The following PCDH15 variants were observed in gnomAD, a reference collection of about 807,000 sequenced individuals.
PCDH15 encodes the protein protocadherin related 15.
A neutral mutation model predicts 178.5 loss-of-function variants in PCDH15; 129 were observed. That is an observed-to-expected ratio of 0.72 (90% CI 0.63 to 0.84). The LOEUF is 0.84. Among genes scored for constraint, PCDH15 ranks in the 40% least tolerant of loss-of-function variants. The probability of loss-of-function intolerance (pLI) is 0.00; values close to 1 mark genes in which losing one functional copy is unlikely to be tolerated. For missense variants in PCDH15, 2,230 were observed against 2,099.9 expected, an observed-to-expected ratio of 1.06 and a Z score of -1.21; for synonymous variants, 800 against 732.0, an observed-to-expected ratio of 1.09 and a Z score of -1.50.
chr10:55,446,210 C>G (rs934447471), intron 2 of PCDH15, among the ~76,000 whole-genome samples: 1 of 151,554 alleles, frequency 6.6e-6, no homozygotes, highest in Non-Finnish European at 1.5e-5. Context: ...AACACACACA[C>G]AGAAACACAC....
Position 54,090,063 on chromosome 10 carries a change from C to T in PCDH15, c.1918G>A (p.Ala640Thr), listed in dbSNP as rs1386742489. The change falls in exon 16 of 38, where the codon GCA (alanine) becomes ACA (threonine). Residue 640 changes from alanine to threonine, a missense_variant and splice_region_variant. Transcript: ENST00000644397. ...ATTGAGTCTCCCTCTCGATCAGTTG[C>T]CTTCAGAGAGAAAACATAATTCAAT... ...RVGAVLLNLQ[A>T]TDREGDSITY... 6.2e-7 allele frequency: 1 copy of T among 1,607,180 alleles called. No homozygotes were observed. The highest frequency in any genetic ancestry group is 8.5e-7 in the Non-Finnish European group (1 of 1,174,282).
chr10:55,466,840 C>A (rs922092912), intron 2 of PCDH15, among the ~76,000 whole-genome samples: 1 of 152,188 alleles, frequency 6.6e-6, no homozygotes, highest in African/African-American at 2.4e-5. Context: ...CCACTATGGG[C>A]AATCTTTGTC....
chr10:55,290,440 A>G lies in PCDH15; in HGVS notation c.-156+29159T>C, dbSNP rs1588884180. Among the ~76,000 whole-genome samples, 3 of 152,242 alleles carry G rather than the reference A, an allele frequency of 2.0e-5. No homozygotes were observed. In the South Asian group the frequency reaches 6.2e-4, roughly 32 times the overall value. ...TGTTTTGCATACTTTAAGTGTTTCA[A>G]AGTTAAAACTTAATGAATACACAGC... On this transcript the variant is annotated intron_variant, in intron 1 of 5. Transcript: ENST00000458638.
intron 2 of PCDH15, among the ~76,000 whole-genome samples, chr10:55,520,128 CACGCA>C (rs1841127015): frequency 1.6e-5 from 2 of 123,266 alleles, no homozygotes; most frequent in South Asian, 2.6e-4. Flanking sequence ...TATATATATA[CACGCA>C]ATGTGTATAT....
At chr10:54,331,757 C>A (rs1939634677) in intron 6 of PCDH15, among the ~76,000 whole-genome samples, 1 of 152,046 alleles carries the variant, frequency 6.6e-6, no homozygotes, top group Non-Finnish European at 1.5e-5. Flanking sequence ...ACTACCACAT[C>A]TCTGGACTCA....
At chr10:55,199,398 C>A (rs960546481) in intron 1 of PCDH15, among the ~76,000 whole-genome samples, 3 of 151,918 alleles carry the variant, frequency 2.0e-5, no homozygotes, top group Non-Finnish European at 4.4e-5. Context: ...TTCTAAGCAG[C>A]AAGGCATTCA....
At chr10:54,942,093 C>G (rs1838077264) in intron 2 of PCDH15, among the ~76,000 whole-genome samples, 1 of 152,058 alleles carries the variant, frequency 6.6e-6, no homozygotes, top group South Asian at 2.1e-4. Flanking sequence ...TTTCAGGAAT[C>G]AAAGGCCAAC....
chr10:55,169,977 A>T (rs565355800), intron 1 of PCDH15, among the ~76,000 whole-genome samples: 1 of 66,470 alleles, frequency 1.5e-5, no homozygotes, highest in South Asian at 7.9e-4. Flanking sequence ...AAATTTACTG[A>T]TAGAATAAAG....
intron 8 of PCDH15, among the ~76,000 whole-genome samples, chr10:54,271,885 T>C (rs2058067386): frequency 6.6e-6 from 1 of 150,910 alleles, no homozygotes; most frequent in African/African-American, 2.4e-5. Context: ...AATAAAATAC[T>C]TTGGTAAGTG....
intron 2 of PCDH15, among the ~76,000 whole-genome samples, chr10:54,985,403 G>A (rs1365419140): frequency 6.6e-6 from 1 of 152,116 alleles, no homozygotes; most frequent in Non-Finnish European, 1.5e-5. Flanking sequence ...GATGCTCCTT[G>A]ACTTACAATG....
chr10:54,180,514 C>A (rs1321751024), intron 13 of PCDH15, among the ~76,000 whole-genome samples: 1 of 152,124 alleles, frequency 6.6e-6, no homozygotes, highest in Non-Finnish European at 1.5e-5. Context: ...CTGACACTTT[C>A]AGTCTTTGAC....
chr10:54,716,010 C>T (rs1437140978), intron 1 of PCDH15, among the ~76,000 whole-genome samples: 1 of 152,154 alleles, frequency 6.6e-6, no homozygotes, highest in East Asian at 1.9e-4. Flanking sequence ...GGCCACCTCA[C>T]TCTTCCCATG....
At chr10:54,445,970 A>G (rs1180518384) in intron 3 of PCDH15, among the ~76,000 whole-genome samples, 1 of 151,494 alleles carries the variant, frequency 6.6e-6, no homozygotes, top group Admixed American at 6.6e-5. Context: ...ATCTTTCTTC[A>G]CAACACTGTA....
At chr10:53,821,232 T>C (rs1006918653) in intron 32 of PCDH15, 1 of 979,800 alleles carries the variant, frequency 1.0e-6, no homozygotes, top group African/African-American at 1.8e-5. Flanking sequence ...TCCATAAGCA[T>C]ACTACTAAGA....
At chr10:53,829,307 G>A (rs1473774689) in intron 30 of PCDH15, among the ~76,000 whole-genome samples, 6 of 152,094 alleles carry the variant, frequency 3.9e-5, no homozygotes, top group Non-Finnish European at 7.4e-5. Context: ...ATTAAATAAT[G>A]CGTCTATAAA....
At chr10:54,331,240 T>C (rs1279412929) in intron 6 of PCDH15, among the ~76,000 whole-genome samples, 1 of 151,816 alleles carries the variant, frequency 6.6e-6, no homozygotes, top group Admixed American at 6.6e-5. Flanking sequence ...CTTCCATGTC[T>C]AGAGCTGTGA....
At position 55,446,859 on chromosome 10, in the gene PCDH15, C is replaced by G. The variant is rs188728093; in HGVS notation, c.-156+180766G>C. 2.7e-4 allele frequency among the ~76,000 whole-genome samples: 41 copies of G among 152,186 alleles called. 1 individual carries two copies. Among genetic ancestry groups the G allele is most frequent in the African/African-American group, 9.6e-4 (40 of 41,532 alleles). On this transcript the variant is annotated intron_variant, in intron 2 of 5. Coordinates refer to the PCDH15 transcript ENST00000613346. ...ACCTGTAGTGTGAAGCAGCACCACT[C>G]AGCTAAGACTTGTGAAGCAATCAAA... is the stretch of plus-strand genomic sequence containing the variant.
chr10:54,972,746 G>A (rs957279066), intron 2 of PCDH15, among the ~76,000 whole-genome samples: 1 of 150,990 alleles, frequency 6.6e-6, no homozygotes, highest in African/African-American at 2.4e-5. Flanking sequence ...CTACTTGGGA[G>A]GCTGAGGCAG....
chr10:55,048,394 G>T (rs1390728106), intron 2 of PCDH15, among the ~76,000 whole-genome samples: 12 of 151,672 alleles, frequency 7.9e-5, no homozygotes. Context: ...ACTATCCAAG[G>T]CCAGTAAATA....
Sources: allele counts gnomAD v4.1 joint callset (sites outside exome capture counted in the v4.1 genomes callset), GRCh38; gene constraint gnomAD v4.1.1; transcripts MANE v1.5; gene names NCBI Gene and HGNC (gene_info 2026-07-23, HGNC 2026-07-21).